PNPLA7: variants seen among roughly 807,000 people sequenced by gnomAD.
PNPLA7 encodes the protein patatin like domain 7, lysophospholipase.
Under a neutral mutation model 161.7 loss-of-function variants are expected in PNPLA7, and 153 were observed. That is an observed-to-expected ratio of 0.95 (90% CI 0.83 to 1.08). PNPLA7 has a LOEUF of 1.08. Ranked by LOEUF, PNPLA7 falls within the 50% of genes least tolerant of loss-of-function variation. The probability of loss-of-function intolerance (pLI) is 0.00; values close to 1 mark genes in which losing one functional copy is unlikely to be tolerated. For missense variants in PNPLA7, 1,739 were observed against 1,856.6 expected, an observed-to-expected ratio of 0.94 and a Z score of 1.16; for synonymous variants, 809 against 782.1, an observed-to-expected ratio of 1.03 and a Z score of -0.57.
chr9:137,502,291 T>G (rs1206602880), intron 14 of PNPLA7, among the ~76,000 whole-genome samples: 1 of 151,954 alleles, frequency 6.6e-6, no homozygotes. Flanking sequence ...GTTTGAAACA[T>G]CAGGTGTGTA....
rs757485447 is a variant in PNPLA7, at chr9:137,462,021, C to T, written c.3666G>A (p.Gly1222=). Residue 1222 remains glycine, a synonymous_variant, in exon 32 of 35, where the codon GGG becomes GGA. Transcript: ENST00000406427. The part of the protein sequence containing the change: ...NEICEVGYQH[G]RTVFDIWGRS... ...GGCCCCAGATGTCAAACACCGTGCG[C>T]CCGTGCTGGTAGCCCACTTCCTGTG... The T allele has an allele frequency of 7.9e-5, 126 of 1,599,916 alleles. No individual in the cohort carries two copies. Among genetic ancestry groups the T allele is most frequent in the Non-Finnish European group, 9.9e-5 (116 of 1,174,700 alleles).
intron 12 of PNPLA7, chr9:137,509,784 A>G: frequency 2.2e-6 from 1 of 454,760 alleles, no homozygotes. Flanking sequence ...CAAGCCACCC[A>G]GGCACTGAGG....
Position 137,486,375 on chromosome 9 carries a change from G to C in PNPLA7, c.2198-1639C>G, listed in dbSNP as rs1053414536. Reference sequence around the variant, plus strand: ...GGGGAACATGGCTCGGAGAACCAGCGCACAGCCGGCAATCATGTGCTCACA... The same window carrying C: ...GGGGAACATGGCTCGGAGAACCAGCCCACAGCCGGCAATCATGTGCTCACA... On this transcript the variant is annotated intron_variant, in intron 20 of 34. Transcript: ENST00000406427. The surrounding 1 kb of genome is among the most constrained non-coding windows in gnomAD (Gnocchi z 6.0). Among the ~76,000 whole-genome samples the C allele has an allele frequency of 6.6e-6, 1 of 152,156 alleles. No individual in the cohort carries two copies. The highest frequency in any genetic ancestry group is 1.5e-5 in the Non-Finnish European group (1 of 68,030).
intron 1 of PNPLA7, among the ~76,000 whole-genome samples, chr9:137,549,763 C>T (rs950798027): frequency 6.6e-6 from 1 of 151,212 alleles, no homozygotes; most frequent in Non-Finnish European, 1.5e-5. Context: ...CCAGCCTGGG[C>T]GACAGAGCGA....
Position 137,547,481 on chromosome 9 carries a change from CA to C in PNPLA7, c.106-86del. ...AAGCCTGCCCCCACCCCTGGCTGCC[CA>C]ACCACAGGCTGGGCAGGAATGAGCC... On this transcript the variant is annotated intron_variant, in intron 2 of 34. Transcript: ENST00000406427. This position sits in a 1 kb window ranked among gnomAD's most constrained non-coding sequence, Gnocchi z 4.6. The C allele has an allele frequency of 6.3e-7, 1 of 1,593,680 alleles. No homozygotes were observed. The highest frequency in any genetic ancestry group is 8.6e-7 in the Non-Finnish European group (1 of 1,162,556).
rs558573662 is a variant in PNPLA7 at position 137,462,561 on chromosome 9, G to C, written c.3492+124C>G. 1.8e-5 allele frequency: 26 copies of C among 1,432,564 alleles called. No homozygotes were observed. In the South Asian group the frequency reaches 2.7e-4, roughly 15 times the overall value. 88.7% of individuals were successfully genotyped at this position (1,432,564 alleles called of 1,614,324 possible). A position where few individuals can be genotyped will look rare whatever the true frequency, so the allele number is the denominator to read the frequency against. On this transcript the variant is annotated intron_variant, in intron 30 of 34. Coordinates refer to ENST00000406427, the MANE Select transcript of PNPLA7 (RefSeq NM_001098537.3). ...AGTTGGGCTCAGGCAGGGGTGGTGA[G>C]GGGTGGCCCCAGACCTGCTGGCCTC...
rs1831582167 is a variant in PNPLA7, at chr9:137,468,625, C to G, written c.2883-1152G>C. ...TTAATCCTCAGTGTTGGAGGAGGGA[C>G]CCGGTGGGAGGTAACTGGATCATGG... On this transcript the variant is annotated intron_variant, in intron 25 of 34. Coordinates refer to ENST00000406427, the MANE Select transcript of PNPLA7 (RefSeq NM_001098537.3). This position sits in a 1 kb window ranked among gnomAD's most constrained non-coding sequence, Gnocchi z 4.0. Among the ~76,000 whole-genome samples the G allele has an allele frequency of 6.6e-6, 1 of 151,912 alleles. No homozygotes were observed. Among genetic ancestry groups the G allele is most frequent in the Admixed American group, 6.6e-5 (1 of 15,240 alleles).
intron 25 of PNPLA7, among the ~76,000 whole-genome samples, chr9:137,469,430 G>A (rs1831617746): frequency 6.6e-6 from 1 of 152,182 alleles, no homozygotes; most frequent in South Asian, 2.1e-4. Flanking sequence ...CAGACATCAG[G>A]CCTCAGAATC....
intron 22 of PNPLA7, 66 bp from the exon 23 acceptor site, chr9:137,480,546 G>C (rs1351347051): frequency 6.6e-7 from 1 of 1,512,744 alleles, no homozygotes; most frequent in Admixed American, 2.1e-5. Flanking sequence ...ACATGTCCCC[G>C]GGGCAAAGAG....
chr9:137,547,391 C>T lies in PNPLA7; in HGVS notation c.111G>A (p.Thr37=), dbSNP rs368748313. 383 of 1,613,412 alleles carry T rather than the reference C, an allele frequency of 2.4e-4. 4 individuals are homozygous for T. The South Asian group carries it at 3.4e-3, about 14-fold the overall frequency. The part of the protein sequence containing the change: ...TEEGSPSTML[T]GIAVGALLAL... ...CCAGGAGGGCTCCAACTGCAATCCC[C>T]GTCAGCTGGCCGAGAGTGGAAACAC... Residue 37 remains threonine, a synonymous_variant, in exon 3 of 35, where the codon ACG becomes ACA. Coordinates refer to ENST00000406427, the MANE Select transcript of PNPLA7 (RefSeq NM_001098537.3). The surrounding 1 kb of genome is among the most constrained non-coding windows in gnomAD (Gnocchi z 4.6).
At position 137,521,602 on chromosome 9, in the gene PNPLA7, C is replaced by T. The variant is rs375178296; in HGVS notation, c.957+34G>A. 5.6e-6 allele frequency: 9 copies of T among 1,604,906 alleles called. No individual in the cohort carries two copies. The African/African-American group carries it at 1.2e-4, about 21-fold the overall frequency. ...CTGTCCCGATGCCAGCTGCATGGAG[C>T]AGCATGGGGCTTTGTGAGGTGGTTT... On this transcript the variant is annotated intron_variant, in intron 10 of 34. Transcript: ENST00000406427.
intron 1 of PNPLA7, among the ~76,000 whole-genome samples, chr9:137,549,521 G>A (rs1441755286): frequency 6.9e-6 from 1 of 145,100 alleles, no homozygotes; most frequent in African/African-American, 2.6e-5. Context: ...AGTGAGTTGA[G>A]ATCGTGCCAC....
intron 14 of PNPLA7, among the ~76,000 whole-genome samples, chr9:137,502,170 C>T (rs933275433): frequency 6.6e-6 from 1 of 152,092 alleles, no homozygotes; most frequent in Non-Finnish European, 1.5e-5. Flanking sequence ...CCGGGAGTGC[C>T]CAACACACTG....
rs1833284105 is a variant in PNPLA7 at position 137,499,853 on chromosome 9, G to T, written c.1757+838C>A. Among the ~76,000 whole-genome samples, 1 of 152,254 alleles carries T rather than the reference G, an allele frequency of 6.6e-6. No individual in the cohort carries two copies. Among genetic ancestry groups the T allele is most frequent in the Non-Finnish European group, 1.5e-5 (1 of 68,044 alleles). ...CTTCAGGCTTCTGACCTCTCCTGCT[G>T]CCCAACCACTCAGGCAGAAGAGCTC... is the stretch of plus-strand genomic sequence containing the variant. On this transcript the variant is annotated intron_variant, in intron 16 of 34. Coordinates refer to ENST00000406427, the MANE Select transcript of PNPLA7 (RefSeq NM_001098537.3). This position sits in a 1 kb window ranked among gnomAD's most constrained non-coding sequence, Gnocchi z 5.5.
intron 14 of PNPLA7, 49 bp from the exon 15 acceptor site, chr9:137,501,776 A>G (rs1392110790): frequency 2.5e-6 from 4 of 1,576,392 alleles, no homozygotes; most frequent in Non-Finnish European, 3.5e-6. Flanking sequence ...GCATAAATGA[A>G]GGTCCAGAGA....
In PNPLA7 at chr9:137,542,829, C is replaced by T. The variant is rs201916665; in HGVS notation, c.507-28G>A. 698 of 1,593,850 alleles carry T rather than the reference C, an allele frequency of 4.4e-4. 2 individuals carry two copies. Among genetic ancestry groups the T allele is most frequent in the Middle Eastern group, 1.8e-4 (1 of 5,676 alleles). ...GCAAGAGCCAGAGGGCACTGTGGGA[C>T]GCCCTTCCAGGGGAGGAGGACGGCC... On this transcript the variant is annotated intron_variant, in intron 6 of 34. Coordinates refer to ENST00000406427, the MANE Select transcript of PNPLA7 (RefSeq NM_001098537.3).
rs1374322319 is a variant in PNPLA7, at chr9:137,460,479, G to A, written c.3946-3C>T. 7.4e-6 allele frequency: 12 copies of A among 1,612,346 alleles called. No homozygotes were observed. The highest frequency in any genetic ancestry group is 3.3e-5 in the South Asian group (3 of 91,072). ...TGCCGCAGTGAGGACTCGTCCTCCT[G>A]CAAGCAGACCGCATGTTCCAGGTGA... On this transcript the variant is annotated splice_region_variant and splice_polypyrimidine_tract_variant and intron_variant, in intron 34 of 34. Coordinates refer to ENST00000406427, the MANE Select transcript of PNPLA7 (RefSeq NM_001098537.3).
Position 137,460,480 on chromosome 9 carries a change from C to T in PNPLA7, c.3946-4G>A. 2 of 1,612,302 alleles carry T rather than the reference C, an allele frequency of 1.2e-6. No homozygotes were observed. The highest frequency in any genetic ancestry group is 1.7e-6 in the Non-Finnish European group (2 of 1,179,864). On this transcript the variant is annotated splice_region_variant and splice_polypyrimidine_tract_variant and intron_variant, in intron 34 of 34. Transcript: ENST00000406427. Reference sequence around the variant, plus strand: ...GCCGCAGTGAGGACTCGTCCTCCTGCAAGCAGACCGCATGTTCCAGGTGAG... The same window carrying T: ...GCCGCAGTGAGGACTCGTCCTCCTGTAAGCAGACCGCATGTTCCAGGTGAG...
At chr9:137,542,234 C>T (rs1836242635) in intron 7 of PNPLA7, among the ~76,000 whole-genome samples, 1 of 152,124 alleles carries the variant, frequency 6.6e-6, no homozygotes. Flanking sequence ...TCTGAGAGGA[C>T]AAGATGGGAG....
Sources: gnomAD v4.1 joint callset for allele counts (sites outside exome capture counted in the v4.1 genomes callset) on GRCh38, gnomAD v4.1.1 for gene constraint, Gnocchi (gnomAD v3.1) non-coding constraint, MANE v1.5 for transcripts, NCBI Gene and HGNC (gene_info 2026-07-23, HGNC 2026-07-21) for gene names.